The following FGF14 variants were observed in gnomAD, a reference collection of about 807,000 sequenced individuals.
The protein encoded by FGF14 is fibroblast growth factor homologous factor 4.
A neutral mutation model predicts 25.5 loss-of-function variants in FGF14; 5 were observed. The ratio of observed to expected loss-of-function variants is 0.20; its 90% CI spans 0.10 to 0.41. FGF14 has a LOEUF of 0.41. Ranked by LOEUF, FGF14 falls within the 10% of genes least tolerant of loss-of-function variation. The pLI, the probability that FGF14 is intolerant of heterozygous loss-of-function variation, is 1.00. For missense variants in FGF14, 222 were observed against 320.1 expected, an observed-to-expected ratio of 0.69 and a Z score of 2.34; for synonymous variants, 138 against 118.3, an observed-to-expected ratio of 1.17 and a Z score of -1.08.
At chr13:101,915,984 G>A (rs1363570436) in intron 1 of FGF14, among the ~76,000 whole-genome samples, 1 of 152,220 alleles carries the variant, frequency 6.6e-6, no homozygotes, top group East Asian at 1.9e-4. Flanking sequence ...TTTGTCCAAG[G>A]TCTGGGAACC....
At chr13:102,081,040 T>G (rs2043594245) in intron 1 of FGF14, among the ~76,000 whole-genome samples, 1 of 152,212 alleles carries the variant, frequency 6.6e-6, no homozygotes, top group African/African-American at 2.4e-5. Flanking sequence ...TCTTCTCACA[T>G]TCAAGGACAA....
At chr13:101,983,529 T>C (rs1394307698) in intron 1 of FGF14, among the ~76,000 whole-genome samples, 1 of 152,150 alleles carries the variant, frequency 6.6e-6, no homozygotes, top group Non-Finnish European at 1.5e-5. Context: ...AAAAACATTT[T>C]AATGTCTTTG....
intron 3 of FGF14, among the ~76,000 whole-genome samples, chr13:101,828,548 G>A (rs1185634339): frequency 1.3e-5 from 2 of 150,588 alleles, no homozygotes; most frequent in African/African-American, 2.4e-5. Context: ...GTGTTATCAT[G>A]ATGAAGTTTC....
At chr13:102,287,817 T>A (rs1174276197) in intron 1 of FGF14, among the ~76,000 whole-genome samples, 1 of 152,198 alleles carries the variant, frequency 6.6e-6, no homozygotes, top group African/African-American at 2.4e-5. Context: ...GGAGTCCAAC[T>A]TTTTACCTTT....
upstream of FGF14, chr13:102,402,414 G>A (rs1170833487): frequency 6.6e-6 from 1 of 152,360 alleles, no homozygotes; most frequent in African/African-American, 2.4e-5. Context: ...CCCAGCCTCG[G>A]ATGTGAGTTA....
intron 3 of FGF14, among the ~76,000 whole-genome samples, chr13:101,806,222 C>G (rs2041189386): frequency 6.6e-6 from 1 of 151,778 alleles, no homozygotes; most frequent in Non-Finnish European, 1.5e-5. Context: ...GAGTTCAAGA[C>G]CAGCCTGGCC....
chr13:101,961,115 G>C (rs907604535), intron 1 of FGF14, among the ~76,000 whole-genome samples: 16 of 152,100 alleles, frequency 1.1e-4, no homozygotes, highest in African/African-American at 3.9e-4. Flanking sequence ...AATTGCAAAA[G>C]CTCTCTCCCA....
At chr13:102,289,873 GTCTC>G (rs997417957) in intron 1 of FGF14, among the ~76,000 whole-genome samples, 9 of 149,304 alleles carry the variant, frequency 6.0e-5, no homozygotes, top group Admixed American at 1.3e-4. Flanking sequence ...GATTTTTTTG[GTCTC>G]TCTCTCTCTC....
intron 1 of FGF14, among the ~76,000 whole-genome samples, chr13:102,003,898 CAGTT>C (rs2039643336): frequency 6.6e-6 from 1 of 152,094 alleles, no homozygotes; most frequent in African/African-American, 2.4e-5. Flanking sequence ...AGACACCACT[CAGTT>C]AGTGATCAAA....
intron 1 of FGF14, among the ~76,000 whole-genome samples, chr13:102,189,008 GAGA>G (rs2049002642): frequency 1.4e-5 from 1 of 70,348 alleles, no homozygotes; most frequent in African/African-American, 6.3e-5. Context: ...AAGAAAGAAA[GAGA>G]AAGAATGAAA....
intron 3 of FGF14, among the ~76,000 whole-genome samples, chr13:101,862,831 A>C (rs1327429177): frequency 2.4e-4 from 37 of 152,116 alleles, no homozygotes; most frequent in Non-Finnish European, 1.0e-4. Flanking sequence ...ACTGAACTCT[A>C]ATGTGAAAGA....
intron 1 of FGF14, among the ~76,000 whole-genome samples, chr13:102,316,408 T>C (rs1481996079): frequency 1.3e-5 from 2 of 152,166 alleles, no homozygotes; most frequent in Non-Finnish European, 2.9e-5. Flanking sequence ...TATTTCTACA[T>C]AGACCAAAAT....
rs149751911 is a variant in FGF14 at position 101,755,359 on chromosome 13, C to A, written c.409-28549G>T. On this transcript the variant is annotated intron_variant, in intron 3 of 4. Transcript: ENST00000376143. ...TACGTTACACATGAAGAACCAGAGG[C>A]GAGGCATGGTGTTTCATGCCTGTAA... is the stretch of plus-strand genomic sequence containing the variant. 1.6e-3 allele frequency among the ~76,000 whole-genome samples: 244 copies of A among 151,970 alleles called. 3 individuals are homozygous for A. In the Middle Eastern group the frequency reaches 0.017, roughly 11 times the overall value.
At chr13:102,225,971 T>G (rs2050809492) in intron 1 of FGF14, among the ~76,000 whole-genome samples, 1 of 152,224 alleles carries the variant, frequency 6.6e-6, no homozygotes, top group South Asian at 2.1e-4. Context: ...AAAGCATCCT[T>G]GGAAGAGTTT....
chr13:101,880,843 T>G (rs2045669008), intron 1 of FGF14, among the ~76,000 whole-genome samples: 2 of 152,102 alleles, frequency 1.3e-5, no homozygotes. Context: ...ACTTTCTGTT[T>G]TGTTTTTAAA....
intron 1 of FGF14, among the ~76,000 whole-genome samples, chr13:102,006,381 T>TG (rs2039785851): frequency 1.3e-5 from 2 of 152,194 alleles, no homozygotes; most frequent in Non-Finnish European, 2.9e-5. Flanking sequence ...TGGTGAATAC[T>TG]GGGGGCCTTG....
upstream of FGF14, among the ~76,000 whole-genome samples, chr13:101,919,427 G>T (rs1255025707): frequency 6.6e-6 from 1 of 151,750 alleles, no homozygotes; most frequent in Non-Finnish European, 1.5e-5. Context: ...TTTGATGTAT[G>T]TGCCAACAAT....
At chr13:101,738,731 CATATT>C (rs771527627) in intron 3 of FGF14, among the ~76,000 whole-genome samples, 7 of 151,898 alleles carry the variant, frequency 4.6e-5, no homozygotes, top group Non-Finnish European at 1.0e-4. Flanking sequence ...AGTGAATTTT[CATATT>C]ATATTATGAA....
intron 1 of FGF14, among the ~76,000 whole-genome samples, chr13:102,192,753 G>A (rs1449424133): frequency 6.6e-6 from 1 of 152,034 alleles, no homozygotes; most frequent in African/African-American, 2.4e-5. Context: ...CTTTATAAAA[G>A]GATCACCTTT....
Sources: gnomAD v4.1 joint callset for allele counts (sites outside exome capture counted in the v4.1 genomes callset) on GRCh38, gnomAD v4.1.1 for gene constraint, MANE v1.5 for transcripts, NCBI Gene and HGNC (gene_info 2026-07-23, HGNC 2026-07-21) for gene names.